Variants in CAMK4 observed in about 807,000 individuals in gnomAD.
CAMK4 encodes calcium/calmodulin dependent protein kinase IV, also known as calcium/calmodulin-dependent protein kinase type IV.
Under a neutral mutation model 44.9 loss-of-function variants are expected in CAMK4, and 22 were observed. The ratio of observed to expected loss-of-function variants is 0.49; its 90% CI spans 0.35 to 0.70. The LOEUF is 0.70. Among genes scored for constraint, CAMK4 ranks in the 30% least tolerant of loss-of-function variants. The probability of loss-of-function intolerance (pLI) is 0.01; values close to 1 mark genes in which losing one functional copy is unlikely to be tolerated. For synonymous variants in CAMK4, 218 were observed against 215.4 expected, an observed-to-expected ratio of 1.01 and a Z score of -0.11; for missense variants, 498 against 586.8, an observed-to-expected ratio of 0.85 and a Z score of 1.56.
At chr5:111,361,428 A>G (rs1750586005) in intron 2 of CAMK4, among the ~76,000 whole-genome samples, 1 of 152,054 alleles carries the variant, frequency 6.6e-6, no homozygotes, top group African/African-American at 2.4e-5. Flanking sequence ...GAAATAATAT[A>G]CAATGAAAAC....
intron 1 of CAMK4, among the ~76,000 whole-genome samples, chr5:111,321,857 T>G (rs1748676946): frequency 1.3e-5 from 2 of 152,214 alleles, no homozygotes; most frequent in African/African-American, 4.8e-5. Context: ...AATAGATTTA[T>G]CATTTGTTAA....
At chr5:111,429,866 A>G (rs945238944) in intron 5 of CAMK4, among the ~76,000 whole-genome samples, 2 of 148,686 alleles carry the variant, frequency 1.3e-5, no homozygotes, top group Non-Finnish European at 3.0e-5. Flanking sequence ...CTTCACTGCC[A>G]ATTTCTACCA....
At chr5:111,405,254 G>A (rs1752378010) in intron 5 of CAMK4, among the ~76,000 whole-genome samples, 1 of 152,202 alleles carries the variant, frequency 6.6e-6, no homozygotes, top group Non-Finnish European at 1.5e-5. Flanking sequence ...CGGATCACAA[G>A]GTCAAGAAAT....
At chr5:111,374,811 G>T (rs751114891) in intron 2 of CAMK4, 39 bp from the exon 3 acceptor site, 5 of 1,229,704 alleles carry the variant, frequency 4.1e-6, no homozygotes, top group South Asian at 2.4e-5. Flanking sequence ...ATGAAGGGGG[G>T]AGTTTCTTTC....
intron 4 of CAMK4, among the ~76,000 whole-genome samples, chr5:111,388,520 C>T (rs1484935564): frequency 6.6e-6 from 1 of 152,112 alleles, no homozygotes; most frequent in East Asian, 1.9e-4. Flanking sequence ...TTTCTATACA[C>T]CTTTCAGGTG....
intron 2 of CAMK4, among the ~76,000 whole-genome samples, chr5:111,351,603 G>T (rs1433936720): frequency 6.6e-6 from 1 of 151,504 alleles, no homozygotes; most frequent in Non-Finnish European, 1.5e-5. Context: ...GTAGAGATGG[G>T]GTTTCACCGT....
chr5:111,453,563 T>A (rs1754307542), intron 7 of CAMK4, among the ~76,000 whole-genome samples: 6 of 152,134 alleles, frequency 3.9e-5, no homozygotes, highest in African/African-American at 1.4e-4. Flanking sequence ...ATCATTATGA[T>A]TCTATAGAAA....
At chr5:111,388,545 G>A (rs1751686345) in intron 4 of CAMK4, among the ~76,000 whole-genome samples, 1 of 152,076 alleles carries the variant, frequency 6.6e-6, no homozygotes, top group South Asian at 2.1e-4. Flanking sequence ...CTGAGATATA[G>A]CTATTTCTGG....
At chr5:111,327,431 C>G (rs977718990) in intron 1 of CAMK4, among the ~76,000 whole-genome samples, 1 of 151,976 alleles carries the variant, frequency 6.6e-6, no homozygotes, top group African/African-American at 2.4e-5. Flanking sequence ...GGGTTGGTTC[C>G]AAGTCTTTGC....
At position 111,484,200 on chromosome 5, in the gene CAMK4, G is replaced by T. The variant is rs751581823; in HGVS notation, c.1156G>T (p.Ala386Ser). The T allele has an allele frequency of 1.2e-6, 2 of 1,614,044 alleles. No homozygotes were observed. Among genetic ancestry groups the T allele is most frequent in the East Asian group, 2.2e-5 (1 of 44,882 alleles). Residue 386 changes from alanine to serine, a missense_variant, in exon 11 of 11, where the codon GCA becomes TCA. Transcript: ENST00000282356. This position sits in a 1 kb window ranked among gnomAD's most constrained non-coding sequence, Gnocchi z 5.3. ...AATTCAAGGCGATGGGGCCCAAGCC[G>T]CAGTTAAGGGGGCACAGGCTGAGCT... ...EKIQGDGAQA[A>S]VKGAQAELMK...
At chr5:111,265,278 A>T (rs1431229552) in intron 1 of CAMK4, among the ~76,000 whole-genome samples, 2 of 152,218 alleles carry the variant, frequency 1.3e-5, no homozygotes, top group Non-Finnish European at 2.9e-5. Flanking sequence ...ACTATCTGCC[A>T]GGTGAAATGC....
intron 1 of CAMK4, among the ~76,000 whole-genome samples, chr5:111,256,570 AT>A (rs2112551989): frequency 6.6e-6 from 1 of 152,274 alleles, no homozygotes; most frequent in Admixed American, 6.5e-5. Context: ...AAAATATTTT[AT>A]TTGAAATGGG....
At chr5:111,336,202 C>T (rs1451826967) in intron 1 of CAMK4, among the ~76,000 whole-genome samples, 1 of 151,000 alleles carries the variant, frequency 6.6e-6, no homozygotes, top group African/African-American at 2.4e-5. Context: ...TTATTTTTTT[C>T]AGTTGAATGA....
intron 1 of CAMK4, among the ~76,000 whole-genome samples, chr5:111,299,491 T>G (rs539499689): frequency 6.6e-6 from 1 of 152,302 alleles, no homozygotes; most frequent in East Asian, 1.9e-4. Context: ...TTCTAGATCT[T>G]AAAGAGTTAG....
chr5:111,401,106 T>C (rs1301307621), intron 5 of CAMK4, among the ~76,000 whole-genome samples: 2 of 152,194 alleles, frequency 1.3e-5, no homozygotes, highest in East Asian at 3.9e-4. Context: ...TTTGTACATA[T>C]CGAACATAGT....
intron 2 of CAMK4, among the ~76,000 whole-genome samples, chr5:111,356,762 T>C (rs2112786952): frequency 6.6e-6 from 1 of 152,314 alleles, no homozygotes; most frequent in South Asian, 2.1e-4. Context: ...AAATAGGGAA[T>C]CCTTTCCCCA....
intron 2 of CAMK4, among the ~76,000 whole-genome samples, chr5:111,352,293 G>T (rs554019649): frequency 6.6e-6 from 1 of 152,166 alleles, no homozygotes; most frequent in Admixed American, 6.6e-5. Context: ...ATGTGTCAGA[G>T]ACTGGTGGAT....
At chr5:111,322,246 A>G (rs1748693986) in intron 1 of CAMK4, among the ~76,000 whole-genome samples, 1 of 152,074 alleles carries the variant, frequency 6.6e-6, no homozygotes, top group Non-Finnish European at 1.5e-5. Flanking sequence ...GCTGAGAGGT[A>G]ACAGAGATCT....
intron 8 of CAMK4, among the ~76,000 whole-genome samples, chr5:111,476,265 GTGTGTT>G (rs1429280665): frequency 1.2e-3 from 140 of 116,304 alleles, no homozygotes; most frequent in African/African-American, 4.4e-3. Flanking sequence ...GTGTGTGTGT[GTGTGTT>G]TGTGTGTGTG....
Sources: gnomAD v4.1 joint callset for allele counts (sites outside exome capture counted in the v4.1 genomes callset) on GRCh38, gnomAD v4.1.1 for gene constraint, Gnocchi (gnomAD v3.1) non-coding constraint, MANE v1.5 for transcripts, NCBI Gene and HGNC (gene_info 2026-07-23, HGNC 2026-07-21) for gene names.